PGD: variants seen among roughly 807,000 people sequenced by gnomAD.
PGD encodes the protein 6-phosphogluconate dehydrogenase, decarboxylating.
Under a neutral mutation model 60.4 loss-of-function variants are expected in PGD, and 21 were observed. The ratio of observed to expected loss-of-function variants is 0.35; its 90% confidence interval spans 0.25 to 0.50. The LOEUF is 0.50. PGD is among the 20% of genes least tolerant of loss of function. PGD has a pLI of 0.98. For synonymous variants in PGD, 230 were observed against 235.9 expected (o/e 0.97, Z 0.23); for missense variants, 477 against 613.1 (o/e 0.78, Z 2.34).
chr1:10,407,524 C>T (rs547049346), intron 5 of PGD, among the ~76,000 whole-genome samples: 1 of 152,244 alleles, frequency 6.6e-6, no homozygotes, highest in East Asian at 1.9e-4. Flanking sequence ...GTCCGATAGT[C>T]CAGTCTGCTT....
intron 5 of PGD, among the ~76,000 whole-genome samples, chr1:10,407,557 G>A (rs1009237419): frequency 2.0e-5 from 3 of 152,202 alleles, no homozygotes; most frequent in South Asian, 2.1e-4. Flanking sequence ...AGGACCTGGA[G>A]GAGGGGCCAG....
At chr1:10,405,401 T>TACACACACACACACACAC (rs57033638) in intron 5 of PGD, among the ~76,000 whole-genome samples, 1,386 of 108,474 alleles carry the variant, frequency 0.013, 18 homozygotes, top group African/African-American at 0.037. Context: ...AAACAAAAAA[T>TACACACACACACACACAC]ACACACACAC....
At chr1:10,407,177 G>T (rs545328585) in intron 5 of PGD, among the ~76,000 whole-genome samples, 97 of 152,302 alleles carry the variant, frequency 6.4e-4, no homozygotes, top group Non-Finnish European at 1.2e-3. Flanking sequence ...GCCAGGCATG[G>T]TGGCTCACGC....
chr1:10,400,316 A>G, intron 2 of PGD, 77 bp from the exon 3 acceptor site: 11 of 1,101,642 alleles, frequency 1.0e-5, no homozygotes, highest in Non-Finnish European at 1.5e-5. Flanking sequence ...TTGAATGGAA[A>G]GGTCATTGTT....
At chr1:10,417,855 G>A (rs116613917) in intron 10 of PGD, among the ~76,000 whole-genome samples, 2,450 of 152,148 alleles carry the variant, frequency 0.016, 48 homozygotes, top group African/African-American at 0.054. Flanking sequence ...GATTACAAGG[G>A]CACGCCACCA....
At chr1:10,413,654 C>T (rs545624383) in intron 8 of PGD, among the ~76,000 whole-genome samples, 14 of 152,256 alleles carry the variant, frequency 9.2e-5, no homozygotes, top group African/African-American at 3.1e-4. Flanking sequence ...GCCTGTAATG[C>T]CAGCACTTTG....
intron 9 of PGD, 112 bp downstream of exon 9, chr1:10,417,229 C>A: frequency 6.8e-7 from 1 of 1,462,054 alleles, no homozygotes; most frequent in South Asian, 1.2e-5. Context: ...GAATGAAGTT[C>A]AGCCTTGACT....
chr1:10,413,718 A>T (rs1045946089), intron 8 of PGD, among the ~76,000 whole-genome samples: 2 of 152,162 alleles, frequency 1.3e-5, no homozygotes, highest in African/African-American at 4.8e-5. Flanking sequence ...ATCCTGGCTA[A>T]CATGATGAAA....
At chr1:10,402,574 G>A (rs914311298) in intron 3 of PGD, among the ~76,000 whole-genome samples, 2 of 151,138 alleles carry the variant, frequency 1.3e-5, no homozygotes, top group South Asian at 4.2e-4. Context: ...CCAGGCTGGA[G>A]TGCAGTGTTG....
intron 2 of PGD, 194 bp downstream of exon 2, chr1:10,399,898 G>A: frequency 1.6e-6 from 1 of 610,136 alleles, no homozygotes; most frequent in Non-Finnish European, 2.9e-6. Context: ...TAGTCCTGCG[G>A]AGTGTGCCTG....
At chr1:10,418,307 C>T (rs1557766511) in intron 10 of PGD, among the ~76,000 whole-genome samples, 1 of 152,156 alleles carries the variant, frequency 6.6e-6, no homozygotes, top group Non-Finnish European at 1.5e-5. Context: ...TGAAAATCGT[C>T]AGATTTTCTT....
chr1:10,400,354 G>T, intron 2 of PGD, 39 bp from the exon 3 acceptor site: 1 of 1,471,468 alleles, frequency 6.8e-7, no homozygotes, highest in South Asian at 1.2e-5. Flanking sequence ...AAAGTCTTGT[G>T]TGTCCTGGAT....
intron 7 of PGD, among the ~76,000 whole-genome samples, chr1:10,412,496 T>C (rs751529326): frequency 1.3e-5 from 2 of 152,248 alleles, no homozygotes; most frequent in African/African-American, 2.4e-5. Context: ...TCTAAAACAT[T>C]ACCTTAGTTT....
intron 6 of PGD, among the ~76,000 whole-genome samples, chr1:10,409,931 TAGGCGTG>T (rs942827571): frequency 1.3e-5 from 2 of 152,102 alleles, no homozygotes; most frequent in Admixed American, 6.5e-5. Context: ...GTTGGGATTA[TAGGCGTG>T]AGCCACCGCA....
At chr1:10,409,392 G>C (rs1639459150) in intron 6 of PGD, among the ~76,000 whole-genome samples, 1 of 152,110 alleles carries the variant, frequency 6.6e-6, no homozygotes, top group Non-Finnish European at 1.5e-5. Flanking sequence ...GTAAAGAGCT[G>C]AGTAATCTTC....
chr1:10,418,449 C>T (rs1007844660), intron 10 of PGD, among the ~76,000 whole-genome samples: 31 of 152,122 alleles, frequency 2.0e-4, no homozygotes, highest in Admixed American at 8.5e-4. Flanking sequence ...GGGTATACAT[C>T]GGCTTCCAGC....
chr1:10,417,931 C>T (rs1382774148), intron 10 of PGD, among the ~76,000 whole-genome samples: 1 of 152,164 alleles, frequency 6.6e-6, no homozygotes, highest in African/African-American at 2.4e-5. Flanking sequence ...AGGCTGGTCT[C>T]GAACTCCTTG....
At chr1:10,403,956 T>C (rs1639357651) in intron 4 of PGD, among the ~76,000 whole-genome samples, 1 of 152,192 alleles carries the variant, frequency 6.6e-6, no homozygotes, top group African/African-American at 2.4e-5. Context: ...ATTGTTTTGT[T>C]TTTTAACTCC....
chr1:10,414,830 C>T (rs567598965), intron 8 of PGD, among the ~76,000 whole-genome samples: 2 of 151,848 alleles, frequency 1.3e-5, no homozygotes, highest in African/African-American at 2.4e-5. Context: ...CGGTGGCTCA[C>T]GCCTGTAATC....
Sources: allele counts gnomAD v4.1 joint callset (sites outside exome capture counted in the v4.1 genomes callset), GRCh38; gene constraint gnomAD v4.1.1; transcripts MANE v1.5; gene names NCBI Gene and HGNC (gene_info 2026-07-23, HGNC 2026-07-21).